ZMYM6: variants seen among roughly 807,000 people sequenced by gnomAD.
ZMYM6 encodes the protein zinc finger MYM-type protein 6.
ZMYM6 carries 90 observed loss-of-function variants against 134.0 expected under a neutral mutation model. That is an observed-to-expected ratio of 0.67 (90% CI 0.57 to 0.80). The LOEUF (loss-of-function observed/expected upper bound fraction) is 0.80, where lower values mean the gene tolerates loss of function less well. ZMYM6 is among the 30% of genes least tolerant of loss of function. The pLI, the probability that ZMYM6 is intolerant of heterozygous loss-of-function variation, is 0.00. For synonymous variants in ZMYM6, 481 were observed against 524.1 expected (o/e 0.92, Z 1.12); for missense variants, 1,362 against 1,533.9 (o/e 0.89, Z 1.87).
At chr1:35,019,111 T>A in intron 4 of ZMYM6, 1 of 599,786 alleles carries the variant, frequency 1.7e-6, no homozygotes, top group South Asian at 2.3e-5. Flanking sequence ...CCACATGTCA[T>A]TTGTTATTTC....
rs368426121 is a variant in ZMYM6 at position 35,005,229 on chromosome 1, A to G, written c.1857T>C (p.Ser619=). Residue 619 remains serine, a synonymous_variant, in exon 13 of 16, where the codon TCT becomes TCC. Transcript: ENST00000357182. ...KAKTAVTELP[S]ARTDTTPVIT... is the part of the protein sequence containing the mutation. ...TAACTGGTGTTGTATCTGTCCTTGCAGAAGGGAGCTCCGTCACAGCAGTTT... is the reference window on the plus strand; with the variant it reads ...TAACTGGTGTTGTATCTGTCCTTGCGGAAGGGAGCTCCGTCACAGCAGTTT... 8.5e-5 allele frequency: 137 copies of G among 1,614,064 alleles called. No homozygotes were observed. The highest frequency in any genetic ancestry group is 1.0e-4 in the Non-Finnish European group (122 of 1,180,030).
At position 35,030,670 on chromosome 1, in the gene ZMYM6, G is replaced by A; in HGVS notation, c.-31C>T. On this transcript the variant is annotated 5_prime_UTR_variant, in exon 2 of 16. Transcript: ENST00000357182. ...TTTTTTACCTCAAAGAGTGTCTCAG[G>A]CTCAAACGAATAGATTTCTTCTTGG... The A allele has an allele frequency of 6.3e-7, 1 of 1,588,264 alleles. No homozygotes were observed. The highest frequency in any genetic ancestry group is 8.6e-7 in the Non-Finnish European group (1 of 1,163,462).
intron 11 of ZMYM6, among the ~76,000 whole-genome samples, chr1:35,007,366 G>A (rs1380681211): frequency 1.3e-5 from 2 of 151,856 alleles, no homozygotes; most frequent in South Asian, 2.1e-4. Flanking sequence ...CGAGGTGGGC[G>A]GATCATGAGG....
intron 4 of ZMYM6, among the ~76,000 whole-genome samples, chr1:35,016,579 A>G (rs1171767827): frequency 1.3e-5 from 2 of 152,252 alleles, no homozygotes; most frequent in African/African-American, 4.8e-5. Flanking sequence ...CAGGCCACAA[A>G]GTAAATAATA....
At chr1:35,005,953 C>G (rs1640958617) in intron 12 of ZMYM6, among the ~76,000 whole-genome samples, 1 of 152,128 alleles carries the variant, frequency 6.6e-6, no homozygotes, top group Non-Finnish European at 1.5e-5. Flanking sequence ...TGCAAAGAGC[C>G]AAAGCTCTGT....
intron 4 of ZMYM6, among the ~76,000 whole-genome samples, chr1:35,015,945 C>CTTTTTTTTTTT (rs10715166): frequency 7.5e-6 from 1 of 134,118 alleles, no homozygotes; most frequent in Non-Finnish European, 1.6e-5. Flanking sequence ...TTTTTTCTTT[C>CTTTTTTTTTTT]TTTTTTTTTT....
Position 35,020,375 on chromosome 1 carries a change from T to C in ZMYM6, c.178+8A>G. ...ATTGTAACTAACTTATACAGTTCCA[T>C]TTCTTACCAATAGGTCTCTCATTAA... On this transcript the variant is annotated splice_region_variant and intron_variant, in intron 3 of 15. Transcript: ENST00000357182. The C allele has an allele frequency of 1.3e-6, 2 of 1,596,080 alleles. No individual in the cohort carries two copies. The highest frequency in any genetic ancestry group is 1.7e-6 in the Non-Finnish European group (2 of 1,174,576).
chr1:35,008,931 A>G lies in ZMYM6; in HGVS notation c.1493-7T>C, dbSNP rs1407347464. ...GCAGAGAGGAATTTGCAAACTGAGGATCAGAGGGATGAAAGGAAGAAAAAT... is the reference window on the plus strand; with the variant it reads ...GCAGAGAGGAATTTGCAAACTGAGGGTCAGAGGGATGAAAGGAAGAAAAAT... On this transcript the variant is annotated splice_region_variant and splice_polypyrimidine_tract_variant and intron_variant, in intron 10 of 15. Coordinates refer to ENST00000357182, the MANE Select transcript of ZMYM6 (RefSeq NM_007167.4). 12 of 1,606,786 alleles carry G rather than the reference A, an allele frequency of 7.5e-6. No individual in the cohort carries two copies. Among genetic ancestry groups the G allele is most frequent in the Non-Finnish European group, 1.0e-5 (12 of 1,176,632 alleles).
chr1:34,992,332 G>A lies in ZMYM6; in HGVS notation c.2048C>T (p.Ser683Phe), dbSNP rs768841134. ...KFPSSQSSQP[S>F]RLLKNKGISC... Reference sequence around the variant, plus strand: ...TATGCCTTTGTTCTTTAAAAGCCTGGAAGGCTGGGAAGATTGGGAAGATGG... The same window carrying A: ...TATGCCTTTGTTCTTTAAAAGCCTGAAAGGCTGGGAAGATTGGGAAGATGG... The change falls in exon 15 of 16, where the codon TCC becomes TTC. Residue 683 changes from serine to phenylalanine, a missense_variant. This residue lies in a region of ZMYM6 where 824 missense variants were observed against 940.9 expected (regional missense o/e 0.88). Coordinates refer to ENST00000357182, the MANE Select transcript of ZMYM6 (RefSeq NM_007167.4). 1.9e-6 allele frequency: 3 copies of A among 1,614,084 alleles called. No homozygotes were observed. The highest frequency in any genetic ancestry group is 1.7e-6 in the Non-Finnish European group (2 of 1,179,968).
chr1:35,029,209 T>G (rs10908316), intron 2 of ZMYM6, among the ~76,000 whole-genome samples: 46,834 of 151,972 alleles, frequency 0.31, 13,664 homozygotes, highest in African/African-American at 0.75. Context: ...AATGGCTATC[T>G]ACTGCTCTTA....
chr1:35,009,370 G>A (rs1168048912), intron 10 of ZMYM6, among the ~76,000 whole-genome samples: 1 of 152,160 alleles, frequency 6.6e-6, no homozygotes, highest in Non-Finnish European at 1.5e-5. Flanking sequence ...CTCCCAAAGT[G>A]CTGGGAATAC....
chr1:34,987,656 A>G lies in ZMYM6; in HGVS notation c.3426T>C (p.Asn1142=). ...ACTTTCTCTTAAATACATCAATTTT[A>G]TTACACAAATTGAAGAAAGTAGTCA... is the stretch of plus-strand genomic sequence containing the variant. ...GTLTTFFNLC[N]KIDVFKRKLK... The change falls in exon 16 of 16, where the codon AAT becomes AAC. Residue 1142 remains asparagine, a synonymous_variant. Coordinates refer to ENST00000357182, the MANE Select transcript of ZMYM6 (RefSeq NM_007167.4). 5 of 1,560,360 alleles carry G rather than the reference A, an allele frequency of 3.2e-6. No individual in the cohort carries two copies. Among genetic ancestry groups the G allele is most frequent in the Non-Finnish European group, 4.3e-6 (5 of 1,151,436 alleles).
In ZMYM6 at chr1:34,987,277, C is replaced by G. The variant is rs1218391630; in HGVS notation, c.3805G>C (p.Glu1269Gln). 3 of 1,612,886 alleles carry G rather than the reference C, an allele frequency of 1.9e-6. No homozygotes were observed. The highest frequency in any genetic ancestry group is 2.2e-5 in the East Asian group (1 of 44,864). The change falls in exon 16 of 16, where the codon GAA becomes CAA. Residue 1269 changes from glutamate to glutamine, a missense_variant. This residue lies in a region of ZMYM6 where 824 missense variants were observed against 940.9 expected (regional missense o/e 0.88). Transcript: ENST00000357182. ...GGTAATAAAAATTTCATTGCCCTTT[C>G]ATGGAGTTCTGGGTAACTTGTCTTT... The part of the protein sequence containing the change: ...NAKTSYPELH[E>Q]RAMKFLLPFS...
intron 2 of ZMYM6, among the ~76,000 whole-genome samples, chr1:35,026,091 G>C (rs1256347848): frequency 6.6e-6 from 1 of 152,066 alleles, no homozygotes; most frequent in Non-Finnish European, 1.5e-5. Context: ...CGCAATCTCA[G>C]TTCACTGCAA....
chr1:35,004,539 G>A (rs2148449552), intron 13 of ZMYM6, among the ~76,000 whole-genome samples: 1 of 152,146 alleles, frequency 6.6e-6, no homozygotes, highest in African/African-American at 2.4e-5. Context: ...AACTCGGGAG[G>A]CGGAGGTTGC....
chr1:35,010,061 G>A (rs1245572797), intron 10 of ZMYM6, among the ~76,000 whole-genome samples: 1 of 151,940 alleles, frequency 6.6e-6, no homozygotes, highest in African/African-American at 2.4e-5. Flanking sequence ...CCAGGCTGCA[G>A]TGCAATGGCA....
intron 14 of ZMYM6, among the ~76,000 whole-genome samples, chr1:35,002,540 T>C (rs961303231): frequency 1.3e-5 from 2 of 152,232 alleles, no homozygotes; most frequent in African/African-American, 2.4e-5. Flanking sequence ...ATCTTGCAAC[T>C]TGTGTTACCA....
At chr1:34,999,063 A>G (rs1486378835) in intron 14 of ZMYM6, among the ~76,000 whole-genome samples, 1 of 152,166 alleles carries the variant, frequency 6.6e-6, no homozygotes. Flanking sequence ...TGGAGGTTGC[A>G]GTGAGCTGAG....
At chr1:34,995,065 TAA>T (rs1557560820) in intron 14 of ZMYM6, among the ~76,000 whole-genome samples, 2 of 129,668 alleles carry the variant, frequency 1.5e-5, no homozygotes, top group Admixed American at 7.7e-5. Context: ...TATATATATG[TAA>T]TATATATACT....
Sources: allele counts gnomAD v4.1 joint callset (sites outside exome capture counted in the v4.1 genomes callset), GRCh38; gene constraint gnomAD v4.1.1; regional missense constraint gnomAD v4.1.1; transcripts MANE v1.5; gene names NCBI Gene and HGNC (gene_info 2026-07-23, HGNC 2026-07-21).